The following EYS variants were observed in gnomAD, a reference collection of about 807,000 sequenced individuals.
The protein encoded by EYS is EGF-like photoreceptor maintenance factor.
In EYS, 250 loss-of-function variants were observed where a neutral mutation model predicts 282.1. The observed-to-expected ratio is 0.89, with a 90% CI of 0.80 to 0.98. The LOEUF is 0.98. Among genes scored for constraint, EYS ranks in the 50% least tolerant of loss-of-function variants. EYS has a pLI of 0.00. For missense variants in EYS, 4,016 were observed against 3,709.0 expected (o/e 1.08, Z -2.15); for synonymous variants, 1,355 against 1,282.9 (o/e 1.06, Z -1.20).
chr6:64,391,154 G>A (rs1773121223), intron 28 of EYS, among the ~76,000 whole-genome samples: 1 of 152,128 alleles, frequency 6.6e-6, no homozygotes, highest in Non-Finnish European at 1.5e-5. Context: ...ACTGATTGGT[G>A]TACCTGAAAG....
chr6:63,823,148 G>A (rs1771367443), intron 36 of EYS, among the ~76,000 whole-genome samples: 1 of 151,784 alleles, frequency 6.6e-6, no homozygotes, highest in African/African-American at 2.4e-5. Context: ...ATATATTTTG[G>A]TACATTGTTT....
chr6:64,553,242 G>T (rs1249901369), intron 26 of EYS, among the ~76,000 whole-genome samples: 1 of 152,072 alleles, frequency 6.6e-6, no homozygotes, highest in Non-Finnish European at 1.5e-5. Flanking sequence ...AGCATTAAAA[G>T]AAATTAGCCA....
intron 22 of EYS, among the ~76,000 whole-genome samples, chr6:64,640,736 G>T (rs1004987281): frequency 2.6e-5 from 4 of 152,062 alleles, no homozygotes; most frequent in African/African-American, 9.7e-5. Flanking sequence ...AAAATAAAAA[G>T]ATTAAAATTC....
chr6:63,832,122 C>A (rs1196437145), intron 36 of EYS, among the ~76,000 whole-genome samples: 1 of 152,040 alleles, frequency 6.6e-6, no homozygotes, highest in Non-Finnish European at 1.5e-5. Flanking sequence ...CAGGAAAGAT[C>A]TAAAATTGAC....
Position 65,201,495 on chromosome 6 carries a change from G to A in EYS, c.2023+94368C>T, listed in dbSNP as rs188752452. On this transcript the variant is annotated intron_variant, in intron 12 of 42. Transcript: ENST00000503581. ...CCATTGGCTAGGTTAATCATTAGAG[G>A]ATGACTAAATTGAAAAATCTTTCTA... Among the ~76,000 whole-genome samples the A allele has an allele frequency of 2.6e-5, 4 of 152,158 alleles. No homozygotes were observed. The East Asian group carries it at 5.8e-4, about 22-fold the overall frequency.
At chr6:65,231,955 T>C (rs762658140) in intron 12 of EYS, among the ~76,000 whole-genome samples, 3 of 151,996 alleles carry the variant, frequency 2.0e-5, no homozygotes, top group Non-Finnish European at 4.4e-5. Flanking sequence ...GAATCCAATC[T>C]ATATGCCAGT....
At chr6:64,257,294 A>G (rs1014537636) in intron 30 of EYS, among the ~76,000 whole-genome samples, 1 of 152,064 alleles carries the variant, frequency 6.6e-6, no homozygotes, top group African/African-American at 2.4e-5. Flanking sequence ...TGATCCGTCT[A>G]TTCTCTGAGG....
intron 22 of EYS, among the ~76,000 whole-genome samples, chr6:64,659,472 A>G (rs1210014894): frequency 1.3e-5 from 2 of 151,944 alleles, no homozygotes; most frequent in African/African-American, 2.4e-5. Context: ...AGATCAACAA[A>G]ATTGATAGAC....
At chr6:64,168,331 C>T (rs1481824398) in intron 31 of EYS, among the ~76,000 whole-genome samples, 1 of 152,132 alleles carries the variant, frequency 6.6e-6, no homozygotes, top group African/African-American at 2.4e-5. Flanking sequence ...AGTGGGAAAA[C>T]TTGTTACATT....
chr6:64,349,144 A>G (rs997496797), intron 29 of EYS, among the ~76,000 whole-genome samples: 1 of 151,472 alleles, frequency 6.6e-6, no homozygotes, highest in African/African-American at 2.4e-5. Flanking sequence ...CAGTTTTGGT[A>G]TAAGAATAAC....
At chr6:64,027,439 C>A (rs1376230849) in intron 33 of EYS, among the ~76,000 whole-genome samples, 1 of 152,122 alleles carries the variant, frequency 6.6e-6, no homozygotes, top group Non-Finnish European at 1.5e-5. Context: ...ACTCCAAAAG[C>A]AAGCCCTGGG....
chr6:65,053,246 TAAATTCTCAGAAAAACACTC>T (rs947269936), intron 13 of EYS, among the ~76,000 whole-genome samples: 16 of 151,692 alleles, frequency 1.1e-4, no homozygotes, highest in African/African-American at 3.6e-4. Flanking sequence ...TGAACTAGGG[TAAATTCTCAGAAAAACACTC>T]AAATTCTCAG....
intron 1 of EYS, among the ~76,000 whole-genome samples, chr6:65,671,843 A>G (rs538529508): frequency 2.0e-5 from 3 of 152,228 alleles, no homozygotes; most frequent in East Asian, 3.9e-4. Context: ...AGACTGGAAC[A>G]TATGTCTAAT....
intron 22 of EYS, among the ~76,000 whole-genome samples, chr6:64,788,799 A>G (rs1774096996): frequency 6.6e-6 from 1 of 152,202 alleles, no homozygotes; most frequent in South Asian, 2.1e-4. Flanking sequence ...AGATGTTAAT[A>G]CATCTTTTCT....
intron 34 of EYS, among the ~76,000 whole-genome samples, chr6:63,992,493 A>T (rs1217522114): frequency 6.6e-6 from 1 of 151,834 alleles, no homozygotes; most frequent in Non-Finnish European, 1.5e-5. Context: ...ATGATTAATA[A>T]CATAAAGTGT....
At chr6:64,932,362 C>A (rs889753227) in intron 15 of EYS, among the ~76,000 whole-genome samples, 3 of 152,004 alleles carry the variant, frequency 2.0e-5, no homozygotes, top group Non-Finnish European at 2.9e-5. Flanking sequence ...TTTGACCTGA[C>A]TAAAAATTCA....
chr6:64,815,988 G>T (rs1006275608), intron 21 of EYS, among the ~76,000 whole-genome samples: 11 of 152,194 alleles, frequency 7.2e-5, no homozygotes, highest in Middle Eastern at 3.4e-3. Context: ...GATCCACAGG[G>T]TTGTCCTGTG....
At chr6:64,577,985 A>G (rs976679040) in intron 26 of EYS, among the ~76,000 whole-genome samples, 2 of 152,110 alleles carry the variant, frequency 1.3e-5, no homozygotes, top group Non-Finnish European at 2.9e-5. Context: ...CATTGACTCA[A>G]CCTTCAAAAC....
chr6:64,634,547 C>A (rs1174266229), intron 22 of EYS, among the ~76,000 whole-genome samples: 195 of 141,308 alleles, frequency 1.4e-3, no homozygotes, highest in East Asian at 2.4e-3. Flanking sequence ...CCCTAGCTTC[C>A]AAAAAAAAAA....
Sources: allele counts gnomAD v4.1 joint callset (sites outside exome capture counted in the v4.1 genomes callset), GRCh38; gene constraint gnomAD v4.1.1; transcripts MANE v1.5; gene names NCBI Gene and HGNC (gene_info 2026-07-23, HGNC 2026-07-21).